Variants in REPS2 observed in about 807,000 individuals in gnomAD.
The protein encoded by REPS2 is ralBP1-associated Eps domain-containing protein 2.
A neutral mutation model predicts 53.6 loss-of-function variants in REPS2; 23 were observed. The observed-to-expected ratio is 0.43, with a 90% CI of 0.31 to 0.61. The LOEUF (loss-of-function observed/expected upper bound fraction) is 0.61. Ranked by LOEUF, REPS2 falls within the 20% of genes least tolerant of loss-of-function variation. The pLI, the probability that REPS2 is intolerant of heterozygous loss-of-function variation, is 0.11. For synonymous variants in REPS2, 238 were observed against 218.6 expected (o/e 1.09, Z -0.78); for missense variants, 446 against 534.9 (o/e 0.83, Z 1.64).
chrX:17,051,451 G>A lies in REPS2; in HGVS notation c.908-931G>A, dbSNP rs778937808. ...GAACTTCCAAACTGTTCTCCATAGT[G>A]GTTGTACTAATTCCCACCAACAGTT... is the stretch of plus-strand genomic sequence containing the variant. On this transcript the variant is annotated intron_variant, in intron 6 of 17. Coordinates refer to ENST00000357277, the MANE Select transcript of REPS2 (RefSeq NM_004726.3). 1.9e-4 allele frequency among the ~76,000 whole-genome samples: 21 copies of A among 111,929 alleles called. 1 individual carries two copies. The South Asian group carries it at 7.4e-3, about 40-fold the overall frequency.
At chrX:17,118,591 G>T (rs775548597) in intron 14 of REPS2, among the ~76,000 whole-genome samples, 2 of 112,199 alleles carry the variant, frequency 1.8e-5, no homozygotes, top group South Asian at 7.4e-4. Context: ...GGCTGGAAAA[G>T]GTTTCTGGGG....
chrX:16,947,826 A>G (rs139470787), intron 1 of REPS2, among the ~76,000 whole-genome samples: 241 of 111,829 alleles, frequency 2.2e-3, no homozygotes, highest in African/African-American at 7.3e-3. Flanking sequence ...TTTCCCATCT[A>G]TCATTACTTG....
At chrX:16,991,842 G>A (rs182661446) in intron 1 of REPS2, among the ~76,000 whole-genome samples, 1 of 111,609 alleles carries the variant, frequency 9.0e-6, no homozygotes, top group African/African-American at 3.3e-5. Flanking sequence ...ACAAGCCAGG[G>A]ACCGCCTGCG....
intron 1 of REPS2, among the ~76,000 whole-genome samples, chrX:16,986,412 G>A (rs938504049): frequency 5.4e-5 from 6 of 112,065 alleles, no homozygotes; most frequent in Non-Finnish European, 9.4e-5. Flanking sequence ...TTTTGTTTCT[G>A]TGCTACATAC....
intron 1 of REPS2, among the ~76,000 whole-genome samples, chrX:16,994,370 T>C (rs7884917): frequency 2.6e-5 from 2 of 76,042 alleles, no homozygotes; most frequent in Middle Eastern, 7.9e-3. Flanking sequence ...TACATATATA[T>C]ACATATATAT....
In REPS2 at chrX:17,054,907, T is replaced by C. The variant is rs760091048; in HGVS notation, c.1071T>C (p.Pro357=). ...IVARKNGYPL[P]EGLPPTLQPE... ...CTCGGAAGAACGGCTACCCATTGCC[T>C]GAGGGCCTCCCTCCAACTCTGCAGC... is the stretch of plus-strand genomic sequence containing the variant. Residue 357 remains proline, a synonymous_variant, in exon 8 of 18, where the codon CCT becomes CCC. Coordinates refer to ENST00000357277, the MANE Select transcript of REPS2 (RefSeq NM_004726.3). 2 of 1,210,116 alleles carry C rather than the reference T, an allele frequency of 1.7e-6. No individual in the cohort carries two copies. Among genetic ancestry groups the C allele is most frequent in the African/African-American group, 3.5e-5 (2 of 57,285 alleles).
intron 1 of REPS2, among the ~76,000 whole-genome samples, chrX:16,961,951 A>T (rs1479668483): frequency 8.9e-6 from 1 of 112,128 alleles, no homozygotes; most frequent in Non-Finnish European, 1.9e-5. Context: ...ATATCAGCTC[A>T]CACCTTTTAG....
At chrX:16,986,574 G>A (rs1276275190) in intron 1 of REPS2, among the ~76,000 whole-genome samples, 1 of 111,527 alleles carries the variant, frequency 9.0e-6, no homozygotes, top group Admixed American at 9.5e-5. Context: ...ATTTGGGGGA[G>A]CAATTGTAAA....
At chrX:17,159,649 C>T in the REPS2 span, among the ~76,000 whole-genome samples, 1 of 111,527 alleles carries the variant, frequency 9.0e-6, no homozygotes, top group Non-Finnish European at 1.9e-5. Context: ...CCCCCCAGCC[C>T]CCCAATGCAC....
intron 2 of REPS2, among the ~76,000 whole-genome samples, chrX:17,019,510 A>G (rs2147838475): frequency 8.9e-6 from 1 of 111,826 alleles, no homozygotes; most frequent in African/African-American, 3.2e-5. Context: ...TCACTATTAA[A>G]TTTTGTGTAT....
chrX:17,149,044 G>GT lies in REPS2; in HGVS notation c.*1569dup, dbSNP rs926495487. On this transcript the variant is annotated 3_prime_UTR_variant, in exon 18 of 18. Transcript: ENST00000357277. Reference sequence around the variant, plus strand: ...GAGGATAAAGGCTCAAACAGATGATGTTTTTTCCACAGAAAAACAAATTGT... The same window carrying GT: ...GAGGATAAAGGCTCAAACAGATGATGTTTTTTTCCACAGAAAAACAAATTGT... 2.0e-5 allele frequency: 7 copies of GT among 357,129 alleles called. No homozygotes were observed. The highest frequency in any genetic ancestry group is 7.7e-5 in the East Asian group (1 of 12,949). 29.4% of individuals were successfully genotyped at this position (357,129 alleles called of 1,213,427 possible).
chrX:16,969,206 A>G (rs2060839573), intron 1 of REPS2, among the ~76,000 whole-genome samples: 1 of 101,046 alleles, frequency 9.9e-6, no homozygotes, highest in African/African-American at 3.8e-5. Context: ...CCTAGATGGG[A>G]TGGCGGCCAG....
chrX:16,970,434 G>T (rs752441412), intron 1 of REPS2, among the ~76,000 whole-genome samples: 10 of 111,821 alleles, frequency 8.9e-5, no homozygotes, highest in Non-Finnish European at 1.7e-4. Flanking sequence ...CTGACCTCAA[G>T]CAGTCTGCCT....
intron 5 of REPS2, among the ~76,000 whole-genome samples, chrX:17,034,022 C>A (rs760141149): frequency 2.1e-4 from 23 of 112,086 alleles, no homozygotes; most frequent in South Asian, 3.8e-4. Flanking sequence ...CCATTAAGAA[C>A]GTGAAACGTA....
intron 2 of REPS2, among the ~76,000 whole-genome samples, chrX:17,008,666 G>C (rs1469501905): frequency 8.9e-6 from 1 of 111,739 alleles, no homozygotes; most frequent in African/African-American, 3.3e-5. Context: ...GCCAAACTTT[G>C]AGCTGCCACT....
intron 1 of REPS2, among the ~76,000 whole-genome samples, chrX:16,998,995 A>C (rs192986097): frequency 8.9e-6 from 1 of 112,400 alleles, no homozygotes; most frequent in East Asian, 2.8e-4. Flanking sequence ...CAACTTTTAA[A>C]CTTGGAGGTG....
intron 5 of REPS2, among the ~76,000 whole-genome samples, chrX:17,031,554 C>CTGGAGAGATGGTCATTAACCAAACCACCA (rs2061709178): frequency 1.8e-5 from 2 of 112,168 alleles, no homozygotes; most frequent in Non-Finnish European, 3.8e-5. Context: ...CATGGAGCTA[C>CTGGAGAGATGGTCATTAACCAAACCACCA]TGGAGAGATG....
At chrX:16,991,914 G>A (rs1303965643) in intron 1 of REPS2, among the ~76,000 whole-genome samples, 1 of 110,857 alleles carries the variant, frequency 9.0e-6, no homozygotes, top group Admixed American at 9.6e-5. Flanking sequence ...TAGAAGGAAC[G>A]TGCCCTGCTG....
At position 16,989,251 on chromosome X, in the gene REPS2, CAAA is replaced by C. The variant is rs35448158; in HGVS notation, c.274-16957_274-16955del. On this transcript the variant is annotated intron_variant, in intron 1 of 17. Coordinates refer to ENST00000357277, the MANE Select transcript of REPS2 (RefSeq NM_004726.3). ...CTAGGTCAATTAAACATCAATATGT[CAAA>C]AAAAAAAAAAAACTCTTGCTGTAAA... Among the ~76,000 whole-genome samples the C allele has an allele frequency of 5.6e-3, 514 of 91,961 alleles. 5 individuals are homozygous for C. Among genetic ancestry groups the C allele is most frequent in the African/African-American group, 0.018 (469 of 25,406 alleles). 79.9% of individuals were successfully genotyped at this position (91,961 alleles called of 115,157 possible). A position where few individuals can be genotyped will look rare whatever the true frequency, so the allele number is the denominator to read the frequency against.
Sources: gnomAD v4.1 joint callset for allele counts (sites outside exome capture counted in the v4.1 genomes callset) on GRCh38, gnomAD v4.1.1 for gene constraint, MANE v1.5 for transcripts, NCBI Gene and HGNC (gene_info 2026-07-23, HGNC 2026-07-21) for gene names.